Variants in GPHN observed in about 807,000 individuals in gnomAD.
GPHN encodes gephyrin.
GPHN carries 17 observed loss-of-function variants against 95.5 expected under a neutral mutation model. That is an observed-to-expected ratio of 0.18 (90% confidence interval 0.12 to 0.27). The LOEUF is 0.27. GPHN is among the 10% of genes least tolerant of loss of function. GPHN has a pLI of 1.00. For missense variants in GPHN, 660 were observed against 978.1 expected (o/e 0.67, Z 4.34); for synonymous variants, 320 against 322.5 (o/e 0.99, Z 0.08).
the GPHN span, among the ~76,000 whole-genome samples, chr14:67,191,124 C>T: frequency 2.0e-5 from 3 of 152,154 alleles, no homozygotes; most frequent in East Asian, 1.9e-4. Flanking sequence ...ATCCCAGCTA[C>T]TCAGGAGGCT....
rs767734322 is a variant in GPHN at position 66,961,900 on chromosome 14, GTATATATATATATATATATATATATATA to G, written c.829-3270_829-3243del. On this transcript the variant is annotated intron_variant, in intron 8 of 22. Coordinates refer to ENST00000478722, the MANE Select transcript of GPHN (RefSeq NM_020806.5). The stretch of plus-strand genomic sequence containing the variant: ...AACCAACCATTCTATCCCTGAATGT[GTATATATATATATATATATATATATATA>G]TATATATATATATATATATACACAT... 4.0e-4 allele frequency among the ~76,000 whole-genome samples: 21 copies of G among 53,004 alleles called. 1 individual carries two copies. The highest frequency in any genetic ancestry group is 2.7e-3 in the South Asian group (4 of 1,480). 34.8% of individuals were successfully genotyped at this position (53,004 alleles called of 152,430 possible).
At chr14:66,638,809 G>A (rs933696747) in intron 1 of GPHN, among the ~76,000 whole-genome samples, 1 of 151,772 alleles carries the variant, frequency 6.6e-6, no homozygotes, top group Non-Finnish European at 1.5e-5. Flanking sequence ...AGATATCAGG[G>A]CTCTAATGTT....
chr14:67,214,749 C>A, the GPHN span, among the ~76,000 whole-genome samples: 1 of 152,096 alleles, frequency 6.6e-6, no homozygotes, highest in Non-Finnish European at 1.5e-5. Context: ...CTATAAATTA[C>A]CTTGGGCAGT....
At chr14:67,348,224 G>A in the GPHN span, among the ~76,000 whole-genome samples, 6 of 151,992 alleles carry the variant, frequency 3.9e-5, no homozygotes, top group Admixed American at 3.3e-4. Context: ...ACAGGCATGC[G>A]CTACCACGTC....
chr14:67,583,146 G>A, the GPHN span, among the ~76,000 whole-genome samples: 1 of 152,222 alleles, frequency 6.6e-6, no homozygotes, highest in African/African-American at 2.4e-5. Context: ...TAAGAATCTG[G>A]ATTTACATGC....
the GPHN span, among the ~76,000 whole-genome samples, chr14:67,504,159 G>A: frequency 3.9e-5 from 6 of 152,052 alleles, no homozygotes; most frequent in South Asian, 6.3e-4. Context: ...GATTACAGGC[G>A]CCCACCACCA....
chr14:67,219,105 G>C, the GPHN span, among the ~76,000 whole-genome samples: 1 of 152,174 alleles, frequency 6.6e-6, no homozygotes, highest in Non-Finnish European at 1.5e-5. Flanking sequence ...GTGGTGATTG[G>C]GGAGTAGGAA....
chr14:67,413,679 G>A, the GPHN span, among the ~76,000 whole-genome samples: 4 of 152,214 alleles, frequency 2.6e-5, no homozygotes, highest in Admixed American at 6.5e-5. Flanking sequence ...AGGAAAACTC[G>A]CAGGGTCTGG....
intron 3 of GPHN, among the ~76,000 whole-genome samples, chr14:66,781,645 A>T (rs1368312871): frequency 6.6e-6 from 1 of 152,206 alleles, no homozygotes; most frequent in East Asian, 1.9e-4. Flanking sequence ...ATCATATTGT[A>T]TGCAGTTTTT....
At chr14:67,460,288 G>A in the GPHN span, among the ~76,000 whole-genome samples, 9 of 152,100 alleles carry the variant, frequency 5.9e-5, no homozygotes, top group East Asian at 1.9e-4. Context: ...ATCCTGGTGC[G>A]GCTAATTATG....
the GPHN span, among the ~76,000 whole-genome samples, chr14:67,600,990 G>A: frequency 6.6e-6 from 1 of 152,318 alleles, no homozygotes; most frequent in East Asian, 1.9e-4. Flanking sequence ...TTCCTGTGCC[G>A]GGTAGTTTGA....
the GPHN span, among the ~76,000 whole-genome samples, chr14:67,267,119 T>G: frequency 6.6e-6 from 1 of 151,846 alleles, no homozygotes; most frequent in Non-Finnish European, 1.5e-5. Flanking sequence ...AACAAACAAA[T>G]AAATAAATAA....
intron 18 of GPHN, among the ~76,000 whole-genome samples, chr14:67,149,400 T>C (rs1321576307): frequency 2.0e-5 from 3 of 152,196 alleles, no homozygotes; most frequent in Non-Finnish European, 2.9e-5. Context: ...ATTGTTGTTA[T>C]TTTCAAATGA....
chr14:67,360,944 G>A, the GPHN span, among the ~76,000 whole-genome samples: 3 of 152,156 alleles, frequency 2.0e-5, no homozygotes, highest in Admixed American at 6.5e-5. Context: ...GACGGGCACC[G>A]TGTTGGAAAG....
chr14:67,056,472 G>A (rs1461532479), intron 10 of GPHN, among the ~76,000 whole-genome samples: 1 of 152,104 alleles, frequency 6.6e-6, no homozygotes, highest in Non-Finnish European at 1.5e-5. Context: ...GTGCTGATTG[G>A]TGGATGTACA....
At chr14:67,335,612 T>C in the GPHN span, 1 of 152,588 alleles carries the variant, frequency 6.6e-6, no homozygotes, top group African/African-American at 2.4e-5. Context: ...GAAATAAGGA[T>C]CAATAAGGAA....
chr14:66,814,547 G>A (rs1389499967), intron 3 of GPHN, among the ~76,000 whole-genome samples: 1 of 152,134 alleles, frequency 6.6e-6, no homozygotes, highest in Non-Finnish European at 1.5e-5. Context: ...GCTGAGCATT[G>A]GCCTCCTAAA....
Position 67,122,393 on chromosome 14 carries a change from C to T in GPHN, c.1748+16C>T. The T allele has an allele frequency of 6.2e-7, 1 of 1,610,108 alleles. No homozygotes were observed. The highest frequency in any genetic ancestry group is 8.5e-7 in the Non-Finnish European group (1 of 1,176,628). The stretch of plus-strand genomic sequence containing the variant: ...TAGGAGACAAGTAAGTATTTGATGT[C>T]ATTCTGAAAAGTTTGTATTGTACAA... On this transcript the variant is annotated intron_variant, in intron 17 of 22. Transcript: ENST00000478722.
chr14:67,315,007 C>T, the GPHN span, among the ~76,000 whole-genome samples: 1 of 152,122 alleles, frequency 6.6e-6, no homozygotes, highest in African/African-American at 2.4e-5. Flanking sequence ...ATTCAGGAGG[C>T]TGAGGTGGAA....
Sources: gnomAD v4.1 joint callset for allele counts (sites outside exome capture counted in the v4.1 genomes callset) on GRCh38, gnomAD v4.1.1 for gene constraint, MANE v1.5 for transcripts, NCBI Gene and HGNC (gene_info 2026-07-23, HGNC 2026-07-21) for gene names.